LPAR1: variants seen among roughly 807,000 people sequenced by gnomAD.
The protein encoded by LPAR1 is LPA receptor 1.
LPAR1 carries 5 observed loss-of-function variants against 23.8 expected under a neutral mutation model. The observed-to-expected ratio is 0.21, with a 90% CI of 0.11 to 0.44. The LOEUF is 0.44. LPAR1 is among the 20% of genes least tolerant of loss of function. The pLI is 0.99. For synonymous variants in LPAR1, 160 were observed against 164.7 expected, an observed-to-expected ratio of 0.97 and a Z score of 0.22; for missense variants, 311 against 482.8, an observed-to-expected ratio of 0.64 and a Z score of 3.33.
chr9:111,030,952 A>G (rs2097783590), intron 2 of LPAR1, among the ~76,000 whole-genome samples: 1 of 152,140 alleles, frequency 6.6e-6, no homozygotes, highest in East Asian at 1.9e-4. Context: ...ACATATCCAC[A>G]CTTATCCCAC....
intron 4 of LPAR1, among the ~76,000 whole-genome samples, chr9:110,944,703 C>T (rs1350600309): frequency 6.6e-6 from 1 of 152,042 alleles, no homozygotes; most frequent in East Asian, 1.9e-4. Context: ...CCACAATGTA[C>T]AAAGATGAGT....
At chr9:111,037,702 C>T (rs1365027027) in intron 1 of LPAR1, 1 of 152,246 alleles carries the variant, frequency 6.6e-6, no homozygotes, top group African/African-American at 2.4e-5. Context: ...CGCAGGGACC[C>T]CTCGGAGGTG....
intron 4 of LPAR1, among the ~76,000 whole-genome samples, chr9:110,971,028 A>G (rs1010437390): frequency 6.6e-5 from 10 of 152,118 alleles, no homozygotes; most frequent in Admixed American, 4.6e-4. Flanking sequence ...TCAGCTACTC[A>G]GGAAGCTGAG....
intron 5 of LPAR1, among the ~76,000 whole-genome samples, chr9:110,897,743 A>G (rs2086945451): frequency 6.6e-6 from 1 of 152,216 alleles, no homozygotes; most frequent in African/African-American, 2.4e-5. Flanking sequence ...AACTAATTCT[A>G]GAAAGATAGG....
chr9:111,006,041 C>G (rs1363981144), intron 2 of LPAR1, among the ~76,000 whole-genome samples: 1 of 152,052 alleles, frequency 6.6e-6, no homozygotes, highest in East Asian at 1.9e-4. Context: ...GCTCAGTGTG[C>G]CTGGCAATAT....
At chr9:110,945,617 T>G (rs1005215163) in intron 4 of LPAR1, among the ~76,000 whole-genome samples, 2 of 152,228 alleles carry the variant, frequency 1.3e-5, no homozygotes, top group Non-Finnish European at 2.9e-5. Flanking sequence ...TTTAGCAGCA[T>G]AAATATACAA....
chr9:110,968,127 G>C (rs2096280614), intron 4 of LPAR1, among the ~76,000 whole-genome samples: 1 of 152,158 alleles, frequency 6.6e-6, no homozygotes, highest in Non-Finnish European at 1.5e-5. Context: ...AGCTAACAAA[G>C]ACTTCTTTTA....
chr9:110,953,161 C>T (rs1009780092), intron 4 of LPAR1, among the ~76,000 whole-genome samples: 2 of 152,212 alleles, frequency 1.3e-5, no homozygotes, highest in African/African-American at 4.8e-5. Context: ...GACCTACCCA[C>T]ATGCCTGGCC....
chr9:110,995,192 T>C lies in LPAR1; in HGVS notation c.-181-21634A>G, dbSNP rs73657221. Among the ~76,000 whole-genome samples the C allele has an allele frequency of 9.6e-3, 1,469 of 152,260 alleles. 21 individuals carry two copies. Among genetic ancestry groups the C allele is most frequent in the African/African-American group, 0.033 (1,371 of 41,552 alleles). ...CAGTGAGACTAATCTCTTCCAGATG[T>C]TGTTTGGCCCACAATGTGCTATTCA... On this transcript the variant is annotated intron_variant, in intron 2 of 5. Transcript: ENST00000683809.
chr9:111,004,537 C>T (rs1420903178), intron 2 of LPAR1, among the ~76,000 whole-genome samples: 1 of 152,124 alleles, frequency 6.6e-6, no homozygotes, highest in African/African-American at 2.4e-5. Flanking sequence ...TTTCTCTGTC[C>T]TCATCTTACT....
At chr9:110,938,149 C>T (rs893969243) in intron 5 of LPAR1, among the ~76,000 whole-genome samples, 1 of 152,180 alleles carries the variant, frequency 6.6e-6, no homozygotes, top group African/African-American at 2.4e-5. Flanking sequence ...GTGGAGAAAA[C>T]AAACAATCAT....
intron 4 of LPAR1, among the ~76,000 whole-genome samples, chr9:110,959,807 T>A (rs2095892866): frequency 6.6e-6 from 1 of 152,104 alleles, no homozygotes; most frequent in South Asian, 2.1e-4. Flanking sequence ...TGGGATACTA[T>A]CTGGTCATAA....
intron 5 of LPAR1, among the ~76,000 whole-genome samples, chr9:110,924,945 T>C (rs2135377254): frequency 6.6e-6 from 1 of 152,332 alleles, no homozygotes; most frequent in East Asian, 1.9e-4. Flanking sequence ...CCATCCTTCC[T>C]ACCAGACTAT....
chr9:110,943,117 TATA>T (rs975677525), intron 4 of LPAR1, among the ~76,000 whole-genome samples: 1 of 147,754 alleles, frequency 6.8e-6, no homozygotes, highest in Admixed American at 6.8e-5. Context: ...TATATATAAT[TATA>T]ATATGTAATT....
rs931203533 is a variant in LPAR1 at position 110,972,352 on chromosome 9, C to T, written c.-103-132G>A. 1.1e-4 allele frequency: 56 copies of T among 501,562 alleles called. No individual in the cohort carries two copies. The East Asian group carries it at 1.2e-3, about 11-fold the overall frequency. 31.1% of individuals were successfully genotyped at this position (501,562 alleles called of 1,614,324 possible). A position where few individuals can be genotyped will look rare whatever the true frequency, so the allele number is the denominator to read the frequency against. ...TACTAGCTTAATGCAAACAGAAAGCCGGTAGGGAAAAGCTAAGGTCTAAAA... is the reference window on the plus strand; with the variant it reads ...TACTAGCTTAATGCAAACAGAAAGCTGGTAGGGAAAAGCTAAGGTCTAAAA... On this transcript the variant is annotated intron_variant, in intron 3 of 5. Transcript: ENST00000683809.
intron 5 of LPAR1, among the ~76,000 whole-genome samples, chr9:110,889,235 G>A (rs552851132): frequency 6.6e-6 from 1 of 152,166 alleles, no homozygotes; most frequent in Non-Finnish European, 1.5e-5. Context: ...TTGGGCGCCT[G>A]TAGTCTCAGC....
In LPAR1 at chr9:110,902,228, C is replaced by T. The variant is rs7855647; in HGVS notation, c.794-26506G>A. On this transcript the variant is annotated intron_variant, in intron 5 of 5. Coordinates refer to ENST00000683809, the MANE Select transcript of LPAR1 (RefSeq NM_001351411.2). ...CCAATGATACTACCAGGCTGGCCAGCGGTACTAGCCAGGGAAAATGGAGCA... is the reference window on the plus strand; with the variant it reads ...CCAATGATACTACCAGGCTGGCCAGTGGTACTAGCCAGGGAAAATGGAGCA... Among the ~76,000 whole-genome samples, 640 of 152,116 alleles carry T rather than the reference C, an allele frequency of 4.2e-3. 9 individuals carry two copies. The highest frequency in any genetic ancestry group is 0.015 in the African/African-American group (614 of 41,476).
chr9:110,942,036 A>C lies in LPAR1; in HGVS notation c.178T>G (p.Cys60Gly). The change falls in exon 5 of 6, where the codon TGT becomes GGT. Residue 60 changes from cysteine (C) to glycine (G), a missense_variant. Physicochemically the swap from Cys to Gly is radical, Grantham distance 159 (BLOSUM62 -3). Coordinates refer to ENST00000683809, the MANE Select transcript of LPAR1 (RefSeq NM_001351411.2). ...KLVMGLGITV[C>G]IFIMLANLLV... ...AGGTTGGCCAACATGATGAAGATAC[A>C]AACAGTGATTCCAAGTCCCATCACC... The C allele has an allele frequency of 6.2e-7, 1 of 1,614,184 alleles. No homozygotes were observed. Among genetic ancestry groups the C allele is most frequent in the East Asian group, 2.2e-5 (1 of 44,884 alleles).
At chr9:110,968,414 A>G (rs2096289849) in intron 4 of LPAR1, among the ~76,000 whole-genome samples, 1 of 152,014 alleles carries the variant, frequency 6.6e-6, no homozygotes, top group South Asian at 2.1e-4. Context: ...ACAAAATTCT[A>G]AATGCTTTGC....
Sources: gnomAD v4.1 joint callset for allele counts (sites outside exome capture counted in the v4.1 genomes callset) on GRCh38, gnomAD v4.1.1 for gene constraint, MANE v1.5 for transcripts, NCBI Gene and HGNC (gene_info 2026-07-23, HGNC 2026-07-21) for gene names.